FRYL: variants seen among roughly 807,000 people sequenced by gnomAD.
FRYL encodes protein furry homolog-like.
Under a neutral mutation model 351.2 loss-of-function variants are expected in FRYL, and 150 were observed. The ratio of observed to expected loss-of-function variants is 0.43; its 90% CI spans 0.37 to 0.49. FRYL has a LOEUF of 0.49. Among genes scored for constraint, FRYL ranks in the 20% least tolerant of loss-of-function variants. The pLI, the probability that FRYL is intolerant of heterozygous loss-of-function variation, is 0.00. For synonymous variants in FRYL, 1,153 were observed against 1,257.1 expected (o/e 0.92, Z 1.75); for missense variants, 3,036 against 3,619.3 (o/e 0.84, Z 4.13).
intron 3 of FRYL, among the ~76,000 whole-genome samples, chr4:48,682,623 T>A (rs1273038836): frequency 2.0e-5 from 3 of 152,110 alleles, no homozygotes; most frequent in Non-Finnish European, 4.4e-5. Context: ...GAACAGACAC[T>A]TCTCAAAAGA....
chr4:48,776,146 T>C (rs1775995846), intron 1 of FRYL, among the ~76,000 whole-genome samples: 2 of 150,576 alleles, frequency 1.3e-5, no homozygotes, highest in Admixed American at 6.6e-5. Context: ...GTGACACTTT[T>C]CGTTTCTTTT....
intron 33 of FRYL, among the ~76,000 whole-genome samples, chr4:48,559,336 TTC>T (rs1734860711): frequency 6.6e-6 from 1 of 151,236 alleles, no homozygotes; most frequent in Non-Finnish European, 1.5e-5. Context: ...GTGGTTTGAC[TTC>T]CTGGAGGGAG....
At chr4:48,593,663 CTATT>C (rs752073059) in intron 16 of FRYL, among the ~76,000 whole-genome samples, 8 of 152,102 alleles carry the variant, frequency 5.3e-5, no homozygotes, top group African/African-American at 2.4e-5. Flanking sequence ...CGTGCCCGGC[CTATT>C]TATTATTTTC....
intron 1 of FRYL, among the ~76,000 whole-genome samples, chr4:48,711,503 G>C (rs1388761031): frequency 1.3e-5 from 2 of 152,222 alleles, no homozygotes; most frequent in Admixed American, 1.3e-4. Context: ...GTGGCAGCGA[G>C]GCTAGGGGAG....
At chr4:48,551,689 G>GATA in intron 36 of FRYL, 111 bp from the exon 37 acceptor site, 2 of 666,860 alleles carry the variant, frequency 3.0e-6, no homozygotes, top group Non-Finnish European at 5.1e-6. Flanking sequence ...TGAGAGCAAA[G>GATA]TCATTTAAAA....
chr4:48,531,002 C>A (rs1727461816), intron 50 of FRYL, among the ~76,000 whole-genome samples, 154 bp downstream of exon 50: 1 of 152,138 alleles, frequency 6.6e-6, no homozygotes, highest in African/African-American at 2.4e-5. Context: ...TAACAGCAGG[C>A]CTTCTCCCCA....
intron 3 of FRYL, among the ~76,000 whole-genome samples, chr4:48,648,639 C>T (rs1318683628): frequency 1.3e-5 from 2 of 152,150 alleles, no homozygotes; most frequent in Non-Finnish European, 2.9e-5. Flanking sequence ...CTCTATAAAA[C>T]AGCAATTTAT....
chr4:48,647,742 G>T (rs1756814671), intron 3 of FRYL, among the ~76,000 whole-genome samples: 1 of 152,146 alleles, frequency 6.6e-6, no homozygotes, highest in Non-Finnish European at 1.5e-5. Flanking sequence ...CCACTTTTCA[G>T]GGACCATCAT....
chr4:48,673,638 G>T (rs1763074469), intron 3 of FRYL, among the ~76,000 whole-genome samples: 1 of 152,158 alleles, frequency 6.6e-6, no homozygotes, highest in Non-Finnish European at 1.5e-5. Context: ...AGAGTAGAAG[G>T]AGCAAACGCC....
At chr4:48,677,173 T>TA (rs1290245239) in intron 3 of FRYL, among the ~76,000 whole-genome samples, 1 of 152,136 alleles carries the variant, frequency 6.6e-6, no homozygotes, top group Admixed American at 6.5e-5. Flanking sequence ...AAGTTAAAAA[T>TA]AAAAAAATTA....
Position 48,512,702 on chromosome 4 carries a change from T to C in FRYL, c.7938-14A>G, listed in dbSNP as rs759067066. ...TCTTCATCTTGACTATTAACACAGATATCATAAATATCATAACACTATCTC... is the reference window on the plus strand; with the variant it reads ...TCTTCATCTTGACTATTAACACAGACATCATAAATATCATAACACTATCTC... On this transcript the variant is annotated splice_polypyrimidine_tract_variant and intron_variant, in intron 56 of 63. Transcript: ENST00000358350. 9 of 1,552,188 alleles carry C rather than the reference T, an allele frequency of 5.8e-6. 1 individual carries two copies. The highest frequency in any genetic ancestry group is 3.3e-5 in the Admixed American group (2 of 59,784).
intron 2 of FRYL, among the ~76,000 whole-genome samples, chr4:48,691,256 C>A (rs1388726651): frequency 1.3e-5 from 2 of 152,150 alleles, no homozygotes; most frequent in African/African-American, 4.8e-5. Flanking sequence ...CAGACATGCA[C>A]ACACAAATTT....
intron 1 of FRYL, among the ~76,000 whole-genome samples, chr4:48,766,209 G>C (rs1346607799): frequency 6.6e-6 from 1 of 152,160 alleles, no homozygotes; most frequent in Non-Finnish European, 1.5e-5. Context: ...ATTCACAATA[G>C]CCATAATGTG....
At chr4:48,579,519 T>C (rs1740408271) in intron 22 of FRYL, among the ~76,000 whole-genome samples, 2 of 152,126 alleles carry the variant, frequency 1.3e-5, no homozygotes, top group Non-Finnish European at 1.5e-5. Context: ...TAAGTAATTC[T>C]TAAATAAATA....
At chr4:48,527,083 TGA>T in intron 53 of FRYL, among the ~76,000 whole-genome samples, 1 of 152,210 alleles carries the variant, frequency 6.6e-6, no homozygotes, top group East Asian at 1.9e-4. Flanking sequence ...TATATGTACA[TGA>T]GAGTTGATGA....
intron 1 of FRYL, among the ~76,000 whole-genome samples, chr4:48,725,710 C>G (rs544632119): frequency 4.6e-5 from 7 of 152,184 alleles, no homozygotes; most frequent in Non-Finnish European, 1.0e-4. Context: ...CGCAGTATCA[C>G]AGTGCTTGTG....
At chr4:48,758,544 C>G (rs1048861795) in intron 1 of FRYL, among the ~76,000 whole-genome samples, 3 of 152,176 alleles carry the variant, frequency 2.0e-5, no homozygotes, top group African/African-American at 7.2e-5. Context: ...CCATCTCACA[C>G]CAGTTAGAAT....
Position 48,634,296 on chromosome 4 carries a change from G to T in FRYL, c.115C>A (p.Pro39Thr). 6.2e-7 allele frequency: 1 copy of T among 1,610,618 alleles called. No homozygotes were observed. Among genetic ancestry groups the T allele is most frequent in the Non-Finnish European group, 8.5e-7 (1 of 1,177,010 alleles). ...TATAGGTCAGCTGTACTCACCAAGG[G>T]TTCGGCCATTACAACTTCAATTTTC... is the stretch of plus-strand genomic sequence containing the variant. ...EKKIEVVMAE[P>T]LEKLLSRSLQ... The change falls in exon 4 of 64, where the codon CCC becomes ACC. Residue 39 changes from proline to threonine, a missense_variant. Pro to Thr is a conservative substitution (Grantham distance 38). Coordinates refer to ENST00000358350, the MANE Select transcript of FRYL (RefSeq NM_015030.2).
rs1720014898 is a variant in FRYL, at chr4:48,502,842, T to A, written c.8467A>T (p.Met2823Leu). The A allele has an allele frequency of 6.2e-7, 1 of 1,610,442 alleles. No homozygotes were observed. Among genetic ancestry groups the A allele is most frequent in the Middle Eastern group, 1.7e-4 (1 of 6,044 alleles). Residue 2823 changes from methionine to leucine, a missense_variant, in exon 61 of 64, where the codon ATG (methionine) becomes TTG (leucine). Met to Leu is a conservative substitution (Grantham distance 15). Around this residue, in one of 7 missense-constraint regions of FRYL, gnomAD observed 1,987 missense variants for 2,311.7 expected, o/e 0.86. Coordinates refer to ENST00000358350, the MANE Select transcript of FRYL (RefSeq NM_015030.2). ...AGGTCACTTACTGCTAGTATTTCCATTTGCTAAGCAAGAAGGTGATCAGGT... is the reference window on the plus strand; with the variant it reads ...AGGTCACTTACTGCTAGTATTTCCAATTGCTAAGCAAGAAGGTGATCAGGT... Reference protein sequence around the residue: ...MYRINTDAQQMEILAELELCR... With the variant: ...MYRINTDAQQLEILAELELCR...
Sources: allele counts gnomAD v4.1 joint callset (sites outside exome capture counted in the v4.1 genomes callset), GRCh38; gene constraint gnomAD v4.1.1; regional missense constraint gnomAD v4.1.1; transcripts MANE v1.5; gene names NCBI Gene and HGNC (gene_info 2026-07-23, HGNC 2026-07-21).